Variants in MIPOL1 observed in about 807,000 individuals in gnomAD.
MIPOL1 encodes the protein mirror-image polydactyly 1, also known as mirror-image polydactyly gene 1 protein.
MIPOL1 carries 57 observed loss-of-function variants against 60.9 expected under a neutral mutation model. The observed-to-expected ratio is 0.94, with a 90% CI of 0.76 to 1.17. The LOEUF (loss-of-function observed/expected upper bound fraction) is 1.17, where lower values mean the gene tolerates loss of function less well. Among genes scored for constraint, MIPOL1 ranks in the 50% most tolerant of loss-of-function variants. MIPOL1 has a pLI of 0.00. For missense variants in MIPOL1, 551 were observed against 511.6 expected (o/e 1.08, Z -0.74); for synonymous variants, 179 against 168.8 (o/e 1.06, Z -0.47).
intron 7 of MIPOL1, among the ~76,000 whole-genome samples, chr14:37,303,979 G>T (rs2086566239): frequency 6.6e-6 from 1 of 151,734 alleles, no homozygotes; most frequent in South Asian, 2.1e-4. Flanking sequence ...TATTATGTCA[G>T]CATAGTATCA....
At chr14:37,440,894 C>T (rs375659425) in intron 11 of MIPOL1, among the ~76,000 whole-genome samples, 2 of 152,178 alleles carry the variant, frequency 1.3e-5, no homozygotes, top group East Asian at 1.9e-4. Flanking sequence ...TATATGAGTT[C>T]GTTTATGTCT....
intron 7 of MIPOL1, among the ~76,000 whole-genome samples, chr14:37,298,226 G>T (rs1035084618): frequency 6.6e-6 from 1 of 152,202 alleles, no homozygotes; most frequent in African/African-American, 2.4e-5. Flanking sequence ...AATAAATGGT[G>T]CTGGGAAAAC....
At chr14:37,263,784 G>A (rs1390965675) in intron 3 of MIPOL1, among the ~76,000 whole-genome samples, 1 of 152,176 alleles carries the variant, frequency 6.6e-6, no homozygotes, top group East Asian at 1.9e-4. Flanking sequence ...AAACACTAAA[G>A]TGGATTACTA....
At chr14:37,343,241 A>C (rs1040014152) in intron 9 of MIPOL1, among the ~76,000 whole-genome samples, 2 of 152,016 alleles carry the variant, frequency 1.3e-5, no homozygotes, top group Non-Finnish European at 2.9e-5. Context: ...ATCTAAATTA[A>C]ATTGTTGATA....
intron 12 of MIPOL1, among the ~76,000 whole-genome samples, chr14:37,508,360 C>G (rs2095298292): frequency 6.6e-6 from 1 of 152,082 alleles, no homozygotes. Flanking sequence ...CCCATTTACT[C>G]CTCTGCTACT....
At chr14:37,386,950 A>G (rs1364759484) in intron 10 of MIPOL1, among the ~76,000 whole-genome samples, 1 of 151,928 alleles carries the variant, frequency 6.6e-6, no homozygotes, top group Non-Finnish European at 1.5e-5. Context: ...ATTTTTCCCA[A>G]CAGAGCCAAT....
intron 7 of MIPOL1, among the ~76,000 whole-genome samples, chr14:37,299,328 T>G (rs976838261): frequency 1.3e-5 from 2 of 151,948 alleles, no homozygotes; most frequent in African/African-American, 4.8e-5. Context: ...TTAGGAGATA[T>G]ACCTAATGCT....
chr14:37,297,666 C>A (rs1340955545), intron 7 of MIPOL1, among the ~76,000 whole-genome samples: 17 of 151,982 alleles, frequency 1.1e-4, no homozygotes, highest in Non-Finnish European at 2.5e-4. Flanking sequence ...CAATAACAGA[C>A]AAACAGAGAG....
At chr14:37,292,464 A>ATTTTTT (rs2085178552) in intron 7 of MIPOL1, among the ~76,000 whole-genome samples, 1 of 82,094 alleles carries the variant, frequency 1.2e-5, no homozygotes. Context: ...TCCTTAATAA[A>ATTTTTT]CTTTTTTTTT....
intron 9 of MIPOL1, among the ~76,000 whole-genome samples, chr14:37,358,965 A>T (rs1236901544): frequency 6.6e-6 from 1 of 152,094 alleles, no homozygotes; most frequent in Non-Finnish European, 1.5e-5. Context: ...TTATGGTTTT[A>T]GGTCTAATAT....
intron 12 of MIPOL1, among the ~76,000 whole-genome samples, chr14:37,524,111 G>T (rs1303881780): frequency 6.6e-6 from 1 of 152,034 alleles, no homozygotes; most frequent in Admixed American, 6.5e-5. Flanking sequence ...CCCATTTTTT[G>T]ACTTTACCTT....
intron 1 of MIPOL1, among the ~76,000 whole-genome samples, chr14:37,209,721 T>A (rs1388580731): frequency 6.6e-6 from 1 of 152,128 alleles, no homozygotes; most frequent in Non-Finnish European, 1.5e-5. Flanking sequence ...TTTGCTTATT[T>A]GAGACAGAGT....
Position 37,384,191 on chromosome 14 carries a change from A to G in MIPOL1, c.936+14567A>G, listed in dbSNP as rs139301938. 6.0e-3 allele frequency among the ~76,000 whole-genome samples: 917 copies of G among 152,064 alleles called. 13 individuals carry two copies. Among genetic ancestry groups the G allele is most frequent in the African/African-American group, 0.02 (849 of 41,542 alleles). The stretch of plus-strand genomic sequence containing the variant: ...GTCACAACATTATTATTTTGTCTCA[A>G]TACTATATAATGTCGTTCACATTTG... On this transcript the variant is annotated intron_variant, in intron 10 of 12. Transcript: ENST00000684589.
chr14:37,292,465 C>CTTTTTTTTTTT lies in MIPOL1; in HGVS notation c.623+7033_623+7043dup, dbSNP rs34055899. On this transcript the variant is annotated intron_variant, in intron 7 of 12. Transcript: ENST00000684589. ...GGTACAAGTGAATTTCCTTAATAAA[C>CTTTTTTTTTTT]TTTTTTTTTTTTTTTTTTTTTTTTT... 1.3e-4 allele frequency among the ~76,000 whole-genome samples: 8 copies of CTTTTTTTTTTT among 63,442 alleles called. 2 individuals are homozygous for CTTTTTTTTTTT. The highest frequency in any genetic ancestry group is 1.2e-4 in the African/African-American group (2 of 16,718). The allele number at this position is 63,442 out of a possible 152,430, so 41.6% of individuals were successfully genotyped here.
chr14:37,451,808 C>CTT lies in MIPOL1; in HGVS notation c.1031+28882_1031+28883dup, dbSNP rs535978128. Among the ~76,000 whole-genome samples, 277 of 84,540 alleles carry CTT rather than the reference C, an allele frequency of 3.3e-3. 29 individuals are homozygous for CTT. Among genetic ancestry groups the CTT allele is most frequent in the African/African-American group, 0.017 (263 of 15,736 alleles). 55.5% of individuals were successfully genotyped at this position (84,540 alleles called of 152,430 possible). On this transcript the variant is annotated intron_variant, in intron 11 of 12. Coordinates refer to ENST00000684589, the MANE Select transcript of MIPOL1 (RefSeq NM_001388067.1). ...CTTAAGGTTCTTTTGTTTATTCTCT[C>CTT]TTTTTTTTTTTTTTTTTTTTTTTTG...
chr14:37,206,859 C>T (rs927848431), intron 1 of MIPOL1, among the ~76,000 whole-genome samples: 2 of 152,198 alleles, frequency 1.3e-5, no homozygotes, highest in Admixed American at 1.3e-4. Context: ...CCAATTTCTC[C>T]CATTTGGAAT....
intron 9 of MIPOL1, among the ~76,000 whole-genome samples, chr14:37,348,490 T>G (rs1165892099): frequency 6.6e-6 from 1 of 152,004 alleles, no homozygotes; most frequent in Non-Finnish European, 1.5e-5. Context: ...AAGCATGCAA[T>G]AAAATTAAAC....
At chr14:37,212,858 T>C (rs989680857) in intron 1 of MIPOL1, among the ~76,000 whole-genome samples, 1 of 152,140 alleles carries the variant, frequency 6.6e-6, no homozygotes, top group East Asian at 1.9e-4. Flanking sequence ...CAGATTTACG[T>C]GTCATAGAAC....
chr14:37,222,921 T>C (rs575441704), intron 1 of MIPOL1, among the ~76,000 whole-genome samples: 135 of 152,320 alleles, frequency 8.9e-4, no homozygotes, highest in African/African-American at 3.2e-3. Flanking sequence ...ATTGTGCTAC[T>C]ATAACAAATA....
Sources: gnomAD v4.1 joint callset for allele counts (sites outside exome capture counted in the v4.1 genomes callset) on GRCh38, gnomAD v4.1.1 for gene constraint, MANE v1.5 for transcripts, NCBI Gene and HGNC (gene_info 2026-07-23, HGNC 2026-07-21) for gene names.